Variants in FARP1 observed in about 807,000 individuals in gnomAD.
FARP1 encodes the protein FERM, ARHGEF and pleckstrin domain-containing protein 1.
Under a neutral mutation model 128.8 loss-of-function variants are expected in FARP1, and 52 were observed. The ratio of observed to expected loss-of-function variants is 0.40; its 90% CI spans 0.32 to 0.51. The LOEUF is 0.51. Among genes scored for constraint, FARP1 ranks in the 20% least tolerant of loss-of-function variants. The pLI is 0.45. For missense variants in FARP1, 1,333 were observed against 1,367.9 expected (o/e 0.97, Z 0.40); for synonymous variants, 580 against 551.8 (o/e 1.05, Z -0.72).
chr13:98,170,030 A>G (rs1312501416), intron 1 of FARP1, among the ~76,000 whole-genome samples: 1 of 152,230 alleles, frequency 6.6e-6, no homozygotes, highest in Non-Finnish European at 1.5e-5. Context: ...ATAAACTAAT[A>G]TAGAAATAAA....
At chr13:98,164,850 C>G (rs1271344094) in intron 1 of FARP1, among the ~76,000 whole-genome samples, 2 of 151,878 alleles carry the variant, frequency 1.3e-5, no homozygotes, top group Non-Finnish European at 2.9e-5. Flanking sequence ...GAGGCCGAGG[C>G]GGGTGGATCA....
intron 24 of FARP1, chr13:98,445,704 C>T (rs1489235844): frequency 3.2e-5 from 5 of 157,714 alleles, no homozygotes; most frequent in African/African-American, 9.6e-5. Context: ...ACACCCCTCT[C>T]CCCTCAAGGT....
rs986374756 is a variant in FARP1 at position 98,306,399 on chromosome 13, G to A, written c.172-37363G>A. ...CTAGACACTTTACATGTTCCATTTT[G>A]TAGGAAAGAAAACAGTCGAAGAGTT... On this transcript the variant is annotated intron_variant, in intron 2 of 26. Transcript: ENST00000319562. Among the ~76,000 whole-genome samples the A allele has an allele frequency of 4.6e-5, 7 of 152,344 alleles. 1 individual carries two copies. Among genetic ancestry groups the A allele is most frequent in the Admixed American group, 1.3e-4 (2 of 15,298 alleles).
At chr13:98,211,426 C>T (rs1395443445) in intron 1 of FARP1, among the ~76,000 whole-genome samples, 13 of 150,410 alleles carry the variant, frequency 8.6e-5, no homozygotes, top group Non-Finnish European at 1.3e-4. Context: ...CATTTCATCC[C>T]GCAACCATTG....
chr13:98,214,509 G>C (rs1880942309), intron 2 of FARP1, among the ~76,000 whole-genome samples: 1 of 152,176 alleles, frequency 6.6e-6, no homozygotes, highest in Non-Finnish European at 1.5e-5. Flanking sequence ...ATTCCTGTTG[G>C]CTAGAGGGGC....
At position 98,304,113 on chromosome 13, in the gene FARP1, G is replaced by A. The variant is rs143689607; in HGVS notation, c.172-39649G>A. On this transcript the variant is annotated intron_variant, in intron 2 of 26. Transcript: ENST00000319562. ...ACTTCAGGCCTGGTAAAAACAAACC[G>A]TGAGCTCCCTTTTCCCCTGTCCCCA... Among the ~76,000 whole-genome samples the A allele has an allele frequency of 3.9e-5, 6 of 152,198 alleles. 1 individual carries two copies. In the South Asian group the frequency reaches 8.3e-4, roughly 21 times the overall value.
chr13:98,348,426 G>A lies in FARP1; in HGVS notation c.276+4560G>A, dbSNP rs575622561. Among the ~76,000 whole-genome samples, 15 of 152,364 alleles carry A rather than the reference G, an allele frequency of 9.8e-5. No individual in the cohort carries two copies. In the South Asian group the frequency reaches 1.9e-3, roughly 19 times the overall value. ...CATAGAGTCTGAAGGCTGGGAAAGG[G>A]CCAGAAAGCCATTAGATGGCCATGG... On this transcript the variant is annotated intron_variant, in intron 3 of 26. Coordinates refer to ENST00000319562, the MANE Select transcript of FARP1 (RefSeq NM_005766.4).
chr13:98,371,121 A>G (rs1889307453), intron 5 of FARP1, among the ~76,000 whole-genome samples: 1 of 151,836 alleles, frequency 6.6e-6, no homozygotes, highest in Admixed American at 6.6e-5. Context: ...AATAAGTAGC[A>G]TCGGTAGCGT....
intron 2 of FARP1, among the ~76,000 whole-genome samples, chr13:98,260,722 A>G (rs890958393): frequency 6.6e-6 from 1 of 152,216 alleles, no homozygotes. Flanking sequence ...GTGAGTTCTA[A>G]CACGTAAGCT....
chr13:98,288,924 A>G (rs1232402255), intron 2 of FARP1, among the ~76,000 whole-genome samples: 1 of 148,280 alleles, frequency 6.7e-6, no homozygotes, highest in African/African-American at 2.5e-5. Flanking sequence ...GTCATATGTT[A>G]TGAATTCTAT....
At chr13:98,170,821 T>C (rs1234629367) in intron 1 of FARP1, among the ~76,000 whole-genome samples, 2 of 149,896 alleles carry the variant, frequency 1.3e-5, no homozygotes, top group African/African-American at 5.0e-5. Context: ...GTTTTTTTCC[T>C]CTTCTTTGTT....
intron 1 of FARP1, among the ~76,000 whole-genome samples, chr13:98,197,642 T>A (rs1266156143): frequency 2.0e-5 from 3 of 147,354 alleles, no homozygotes; most frequent in Non-Finnish European, 3.0e-5. Context: ...ACTTCCTTAA[T>A]TTTTTTTTTT....
intron 1 of FARP1, among the ~76,000 whole-genome samples, chr13:98,146,149 C>T (rs1875536920): frequency 6.6e-6 from 1 of 151,916 alleles, no homozygotes; most frequent in South Asian, 2.1e-4. Flanking sequence ...TTTCTGCAGG[C>T]AGAATATGCT....
intron 1 of FARP1, among the ~76,000 whole-genome samples, chr13:98,180,771 TA>T (rs1469661284): frequency 2.0e-5 from 3 of 152,360 alleles, no homozygotes; most frequent in Non-Finnish European, 2.9e-5. Flanking sequence ...TGGGAGGGAA[TA>T]GGGGTGAATG....
intron 1 of FARP1, among the ~76,000 whole-genome samples, chr13:98,209,984 AAAT>A (rs199986456): frequency 1.3e-5 from 2 of 150,676 alleles, no homozygotes; most frequent in African/African-American, 4.9e-5. Context: ...ATTCCATTGC[AAAT>A]AATAATAATA....
chr13:98,388,286 C>T (rs772207193), intron 8 of FARP1, 97 bp from the exon 9 acceptor site: 11 of 843,454 alleles, frequency 1.3e-5, no homozygotes, highest in Admixed American at 7.5e-5. Context: ...CAGTCGCCTG[C>T]CAGCCCTCTT....
In FARP1 at chr13:98,446,499, G is replaced by A. The variant is rs115835673; in HGVS notation, c.2905-167G>A. On this transcript the variant is annotated intron_variant, in intron 25 of 26. Coordinates refer to ENST00000319562, the MANE Select transcript of FARP1 (RefSeq NM_005766.4). The stretch of plus-strand genomic sequence containing the variant: ...TCAGTCCTGGCGGGACTTGCCACCC[G>A]GGCCATCACGTACAGGCAAACACTG... The A allele has an allele frequency of 5.8e-4, 392 of 680,728 alleles. 2 individuals carry two copies. The African/African-American group carries it at 6.3e-3, about 11-fold the overall frequency. 42.2% of individuals were successfully genotyped at this position (680,728 alleles called of 1,614,324 possible). A position where few individuals can be genotyped will look rare whatever the true frequency, so the allele number is the denominator to read the frequency against.
chr13:98,153,123 C>T (rs1429546777), intron 1 of FARP1, among the ~76,000 whole-genome samples: 1 of 151,308 alleles, frequency 6.6e-6, no homozygotes, highest in African/African-American at 2.4e-5. Context: ...GTTTGGTTCT[C>T]TAACATCAGG....
chr13:98,235,122 C>T (rs1053657396), intron 2 of FARP1, among the ~76,000 whole-genome samples: 2 of 152,072 alleles, frequency 1.3e-5, no homozygotes, highest in African/African-American at 4.8e-5. Flanking sequence ...ATGTCTGAGT[C>T]CTTGTGTGTA....
Sources: allele counts gnomAD v4.1 joint callset (sites outside exome capture counted in the v4.1 genomes callset), GRCh38; gene constraint gnomAD v4.1.1; transcripts MANE v1.5; gene names NCBI Gene and HGNC (gene_info 2026-07-23, HGNC 2026-07-21).